The following RASSF3 variants were observed in gnomAD, a reference collection of about 807,000 sequenced individuals.
The protein encoded by RASSF3 is Ras association domain family member 3.
In RASSF3, 19 loss-of-function variants were observed where a neutral mutation model predicts 19.9. The ratio of observed to expected loss-of-function variants is 0.96; its 90% CI spans 0.67 to 1.40. RASSF3 has a LOEUF of 1.40. Among genes scored for constraint, RASSF3 ranks in the 40% most tolerant of loss-of-function variants. RASSF3 has a pLI of 0.00. For synonymous variants in RASSF3, 110 were observed against 104.2 expected, an observed-to-expected ratio of 1.06 and a Z score of -0.34; for missense variants, 306 against 289.8, an observed-to-expected ratio of 1.06 and a Z score of -0.41.
Position 64,610,700 on chromosome 12 carries a change from T to C in RASSF3, c.68T>C (p.Phe23Ser), listed in dbSNP as rs761356107. 8.8e-6 allele frequency: 14 copies of C among 1,595,108 alleles called. No homozygotes were observed. In the South Asian group the frequency reaches 1.5e-4, roughly 17 times the overall value. The stretch of plus-strand genomic sequence containing the variant: ...TTCTTCTTCACCGCCAGGACCTCCT[T>C]CTTCAGGAGAGCGCCCCAGGGCAAG... ...EDFFFTARTS[F>S]FRRAPQGKPR... The change falls in exon 1 of 5, where the codon TTC becomes TCC. Residue 23 changes from phenylalanine (F) to serine (S), a missense_variant. Physicochemically the swap from Phe to Ser is radical, Grantham distance 155. Transcript: ENST00000542104.
At chr12:64,649,850 C>T (rs1871876433) in intron 1 of RASSF3, among the ~76,000 whole-genome samples, 1 of 152,200 alleles carries the variant, frequency 6.6e-6, no homozygotes, top group South Asian at 2.1e-4. Context: ...TTGCAGGGAG[C>T]ACAAGGCCAG....
chr12:64,584,669 G>A (rs138864769), intron 2 of RASSF3, among the ~76,000 whole-genome samples: 1 of 152,120 alleles, frequency 6.6e-6, no homozygotes, highest in East Asian at 1.9e-4. Context: ...CAGCCAAAGT[G>A]TCTAAGAAAG....
At chr12:64,646,466 A>C (rs2136187361) in intron 1 of RASSF3, among the ~76,000 whole-genome samples, 1 of 152,356 alleles carries the variant, frequency 6.6e-6, no homozygotes, top group Non-Finnish European at 1.5e-5. Context: ...TGATTAGTGC[A>C]AGTTGGGTGG....
intron 1 of RASSF3, among the ~76,000 whole-genome samples, chr12:64,652,531 AT>A (rs1871998402): frequency 6.6e-6 from 1 of 150,428 alleles, no homozygotes; most frequent in Non-Finnish European, 1.5e-5. Flanking sequence ...GAGGACTGTG[AT>A]TTTATAGACA....
intron 1 of RASSF3, among the ~76,000 whole-genome samples, chr12:64,663,022 A>T (rs1038289635): frequency 1.3e-5 from 2 of 152,212 alleles, no homozygotes; most frequent in Non-Finnish European, 2.9e-5. Flanking sequence ...GCCTTTTGTT[A>T]TAAAACGCAG....
intron 1 of RASSF3, among the ~76,000 whole-genome samples, chr12:64,668,680 A>AT (rs34052700): frequency 0.41 from 51,042 of 124,100 alleles, 10,940 homozygotes; most frequent in Middle Eastern, 0.54. Flanking sequence ...TTTAATTTTG[A>AT]TTTTTTTTTT....
At chr12:64,657,113 G>T (rs1431376381) in intron 1 of RASSF3, among the ~76,000 whole-genome samples, 1 of 151,250 alleles carries the variant, frequency 6.6e-6, no homozygotes, top group Non-Finnish European at 1.5e-5. Flanking sequence ...AGGTTCAAGC[G>T]ATTTTCTCCT....
At chr12:64,676,855 A>G (rs1364448693) in intron 1 of RASSF3, among the ~76,000 whole-genome samples, 1 of 149,208 alleles carries the variant, frequency 6.7e-6, no homozygotes, top group Admixed American at 6.7e-5. Context: ...TGTAACCTCC[A>G]TCTCCTGGGC....
At position 64,507,062 on chromosome 12, in the gene RASSF3, G is replaced by A. The variant is rs186136126; in HGVS notation, c.-99G>A. 3.3e-3 allele frequency: 1,315 copies of A among 397,226 alleles called. 9 individuals carry two copies. Among genetic ancestry groups the A allele is most frequent in the Non-Finnish European group, 4.5e-3 (1,024 of 225,686 alleles). 24.6% of individuals were successfully genotyped at this position (397,226 alleles called of 1,614,324 possible). ...AGGACAAGCCAAAAGAATGACAGAG[G>A]AAGGGGATTTAGGGCTAACAGGTGG... On this transcript the variant is annotated 5_prime_UTR_variant, in exon 1 of 6. Coordinates refer to the RASSF3 transcript ENST00000637125.
At chr12:64,525,405 A>G (rs1409022373) in intron 1 of RASSF3, among the ~76,000 whole-genome samples, 1 of 152,218 alleles carries the variant, frequency 6.6e-6, no homozygotes, top group African/African-American at 2.4e-5. Flanking sequence ...GGGGACTATA[A>G]CTAGAAGACT....
chr12:64,680,530 AT>A, intron 1 of RASSF3, among the ~76,000 whole-genome samples: 1 of 152,030 alleles, frequency 6.6e-6, no homozygotes, highest in African/African-American at 2.4e-5. Flanking sequence ...TGATTGCTAC[AT>A]TTTTGGCTTA....
At chr12:64,574,467 C>G (rs1283775896) in intron 2 of RASSF3, among the ~76,000 whole-genome samples, 1 of 152,032 alleles carries the variant, frequency 6.6e-6, no homozygotes, top group African/African-American at 2.4e-5. Flanking sequence ...TGTTTCACAC[C>G]TTTTGCTATA....
intron 2 of RASSF3, among the ~76,000 whole-genome samples, chr12:64,584,536 C>T (rs1043575429): frequency 6.8e-6 from 1 of 147,330 alleles, no homozygotes; most frequent in African/African-American, 2.5e-5. Flanking sequence ...TAAAGAAAGT[C>T]AGTGCTCTAT....
At chr12:64,543,475 CCCA>C (rs1868988954), downstream of RASSF3, among the ~76,000 whole-genome samples, 1 of 50,654 alleles carries the variant, frequency 2.0e-5, no homozygotes, top group Admixed American at 1.8e-4. Context: ...CACCCGCCTG[CCCA>C]CCCCCCACTC....
intron 1 of RASSF3, among the ~76,000 whole-genome samples, chr12:64,614,724 T>C (rs1037889215): frequency 7.3e-5 from 11 of 150,754 alleles, no homozygotes; most frequent in African/African-American, 2.7e-4. Flanking sequence ...TTGAGATAGA[T>C]TCTTACTGTG....
chr12:64,610,705 A>C lies in RASSF3; in HGVS notation c.73A>C (p.Arg25=). The change falls in exon 1 of 5, where the codon AGG becomes CGG. Residue 25 remains arginine, a synonymous_variant. Transcript: ENST00000542104. ...FFFTARTSFF[R]RAPQGKPRSG... ...CTTCACCGCCAGGACCTCCTTCTTC[A>C]GGAGAGCGCCCCAGGGCAAGCCCCG... 1 of 1,595,006 alleles carries C rather than the reference A, an allele frequency of 6.3e-7. No homozygotes were observed. Among genetic ancestry groups the C allele is most frequent in the Admixed American group, 1.7e-5 (1 of 58,694 alleles).
intron 1 of RASSF3, among the ~76,000 whole-genome samples, chr12:64,672,146 A>C (rs934014264): frequency 6.6e-6 from 1 of 152,178 alleles, no homozygotes; most frequent in Non-Finnish European, 1.5e-5. Flanking sequence ...ATCATATCAG[A>C]GTAATATCAC....
At chr12:64,579,935 C>T (rs956767910) in intron 2 of RASSF3, among the ~76,000 whole-genome samples, 12 of 151,964 alleles carry the variant, frequency 7.9e-5, no homozygotes, top group African/African-American at 2.9e-4. Flanking sequence ...CTGCCTCAGC[C>T]TCCCTAGTAG....
chr12:64,567,702 C>A (rs1298715260), intron 2 of RASSF3, among the ~76,000 whole-genome samples: 1 of 152,258 alleles, frequency 6.6e-6, no homozygotes, highest in Non-Finnish European at 1.5e-5. Context: ...GGAACTGCAA[C>A]TGCTAACGTC....
Sources: gnomAD v4.1 joint callset for allele counts (sites outside exome capture counted in the v4.1 genomes callset) on GRCh38, gnomAD v4.1.1 for gene constraint, MANE v1.5 for transcripts, NCBI Gene and HGNC (gene_info 2026-07-23, HGNC 2026-07-21) for gene names.